GTF2F2: variants seen among roughly 807,000 people sequenced by gnomAD.
GTF2F2 encodes the protein ATP-dependent helicase GTF2F2.
GTF2F2 carries 23 observed loss-of-function variants against 42.2 expected under a neutral mutation model. The ratio of observed to expected loss-of-function variants is 0.55; its 90% CI spans 0.39 to 0.77. The LOEUF is 0.77. Ranked by LOEUF, GTF2F2 falls within the 30% of genes least tolerant of loss-of-function variation. The pLI is 0.00. For synonymous variants in GTF2F2, 105 were observed against 100.8 expected (o/e 1.04, Z -0.25); for missense variants, 261 against 287.2 (o/e 0.91, Z 0.66).
chr13:45,246,386 T>C (rs1875615353), intron 5 of GTF2F2, among the ~76,000 whole-genome samples: 1 of 152,206 alleles, frequency 6.6e-6, no homozygotes, highest in Admixed American at 6.5e-5. Context: ...CCAGTTATTC[T>C]TGATGCCTTT....
At chr13:45,168,895 CCCTCCCTCCCT>C (rs1190105588) in intron 4 of GTF2F2, among the ~76,000 whole-genome samples, 24 of 322 alleles carry the variant, frequency 0.075, 1 homozygote, top group Non-Finnish European at 0.12. Flanking sequence ...CTCCCTCCCT[CCCTCCCTCCCT>C]CCTCCTTCCT....
rs557939600 is a variant in GTF2F2, at chr13:45,184,548, T to C, written c.305-22876T>C. Among the ~76,000 whole-genome samples, 4 of 152,146 alleles carry C rather than the reference T, an allele frequency of 2.6e-5. No homozygotes were observed. The South Asian group carries it at 8.3e-4, about 32-fold the overall frequency. On this transcript the variant is annotated intron_variant, in intron 4 of 7. Transcript: ENST00000340473. ...GGATTACCATGTGAGCCACTGTAGCTAGCCTTTTTTCCCTTTAATTGTGAA... is the reference window on the plus strand; with the variant it reads ...GGATTACCATGTGAGCCACTGTAGCCAGCCTTTTTTCCCTTTAATTGTGAA...
chr13:45,184,392 C>A (rs919326304), intron 4 of GTF2F2, among the ~76,000 whole-genome samples: 1 of 148,860 alleles, frequency 6.7e-6, no homozygotes, highest in Non-Finnish European at 1.5e-5. Flanking sequence ...TTATTCCCCC[C>A]CGCCCTTTTT....
In GTF2F2 at chr13:45,123,911, A is replaced by T. The variant is rs529479207; in HGVS notation, c.66+3190A>T. 103 of 342,388 alleles carry T rather than the reference A, an allele frequency of 3.0e-4. 3 individuals are homozygous for T. In the South Asian group the frequency reaches 5.4e-3, roughly 18 times the overall value. 21.2% of individuals were successfully genotyped at this position (342,388 alleles called of 1,614,324 possible). A position where few individuals can be genotyped will look rare whatever the true frequency, so the allele number is the denominator to read the frequency against. On this transcript the variant is annotated intron_variant, in intron 1 of 7. Transcript: ENST00000340473. The stretch of plus-strand genomic sequence containing the variant: ...TGCATGGAAGCTGTGAGGAGGGGAG[A>T]GTCTTAGTGTGGTTGGGGACTGAGT...
intron 4 of GTF2F2, among the ~76,000 whole-genome samples, chr13:45,202,017 TC>T (rs1413008656): frequency 6.6e-6 from 1 of 152,136 alleles, no homozygotes. Context: ...TCAGTACTCT[TC>T]CTTCTTACCC....
In GTF2F2 at chr13:45,168,616, T is replaced by C. The variant is rs1467169942; in HGVS notation, c.304+16785T>C. Among the ~76,000 whole-genome samples, 13 of 151,930 alleles carry C rather than the reference T, an allele frequency of 8.6e-5. No individual in the cohort carries two copies. The East Asian group carries it at 2.5e-3, about 29-fold the overall frequency. On this transcript the variant is annotated intron_variant, in intron 4 of 7. Transcript: ENST00000340473. The stretch of plus-strand genomic sequence containing the variant: ...TGACAAATAAACTACCTGAACTTTA[T>C]TTATTTATTTTTTTGAGACAGGTTT...
chr13:45,272,447 A>C (rs774376612), intron 7 of GTF2F2, among the ~76,000 whole-genome samples: 8 of 140,292 alleles, frequency 5.7e-5, no homozygotes, highest in African/African-American at 1.2e-4. Flanking sequence ...AAAACAAAAA[A>C]AAAAAACAGG....
Position 45,151,772 on chromosome 13 carries a change from C to T in GTF2F2, c.245C>T (p.Pro82Leu). The change falls in exon 4 of 8, where the codon CCA becomes CTA. Residue 82 changes from proline to leucine, a missense_variant. Physicochemically the swap from Pro to Leu is moderately conservative, Grantham distance 98 (BLOSUM62 -3). Coordinates refer to ENST00000340473, the MANE Select transcript of GTF2F2 (RefSeq NM_004128.3). ...TCAGTCAGTGCTCCTAGAGAACATC[C>T]ATTTGTCTTGCAAAGTGTTGGAGGA... ...PASVSAPREHPFVLQSVGGQT... is the reference protein window; with the variant it reads ...PASVSAPREHLFVLQSVGGQT... The T allele has an allele frequency of 1.3e-6, 2 of 1,586,674 alleles. No homozygotes were observed. The highest frequency in any genetic ancestry group is 1.3e-5 in the African/African-American group (1 of 74,088).
intron 4 of GTF2F2, among the ~76,000 whole-genome samples, chr13:45,180,924 G>A (rs982961426): frequency 2.0e-5 from 3 of 151,494 alleles, no homozygotes; most frequent in African/African-American, 7.3e-5. Flanking sequence ...CACTTTGGGA[G>A]ACCAAAGCAG....
At chr13:45,187,690 G>A (rs547782617) in intron 4 of GTF2F2, among the ~76,000 whole-genome samples, 1 of 152,336 alleles carries the variant, frequency 6.6e-6, no homozygotes, top group East Asian at 1.9e-4. Context: ...TACAGAAGAA[G>A]CCATTGTATA....
In GTF2F2 at chr13:45,274,272, C is replaced by G. The variant is rs114662673; in HGVS notation, c.630+6896C>G. Among the ~76,000 whole-genome samples the G allele has an allele frequency of 6.0e-3, 909 of 151,384 alleles. 11 individuals are homozygous for G. The highest frequency in any genetic ancestry group is 0.021 in the African/African-American group (869 of 41,202). ...TAATTTGTTTTATAAGCTGAAGCAG[C>G]CTCCCTTTTTCCTCTCAATTTAAAA... On this transcript the variant is annotated intron_variant, in intron 7 of 7. Transcript: ENST00000340473.
chr13:45,231,397 T>A (rs1874675230), intron 5 of GTF2F2, among the ~76,000 whole-genome samples: 2 of 152,168 alleles, frequency 1.3e-5, no homozygotes, highest in African/African-American at 4.8e-5. Flanking sequence ...TGAGCCACTG[T>A]GCCGGCCTAT....
chr13:45,243,692 G>T (rs189911777), intron 5 of GTF2F2, among the ~76,000 whole-genome samples: 19 of 151,968 alleles, frequency 1.3e-4, no homozygotes, highest in East Asian at 3.9e-4. Flanking sequence ...ACGGAGTCTC[G>T]CTTTGTCACC....
chr13:45,254,364 A>C (rs1387505372), intron 6 of GTF2F2, among the ~76,000 whole-genome samples: 1 of 152,216 alleles, frequency 6.6e-6, no homozygotes, highest in East Asian at 1.9e-4. Flanking sequence ...TCCTGCCAAT[A>C]AGGGGAAAGT....
In GTF2F2 at chr13:45,252,892, C is replaced by T. The variant is rs754476965; in HGVS notation, c.408C>T (p.Ser136=). ...RLKRLQIEES[S]KPVRLSQQLD... is the part of the protein sequence containing the mutation. ...TCAGATTGCAAATAGAAGAGTCTTC[C>T]AAACCAGTGAGGCTATCACAACAGC... is the stretch of plus-strand genomic sequence containing the variant. The change falls in exon 6 of 8, where the codon TCC becomes TCT. Residue 136 remains serine (S), a synonymous_variant. Transcript: ENST00000340473. 2.7e-6 allele frequency: 4 copies of T among 1,503,298 alleles called. No homozygotes were observed. 93.1% of individuals were successfully genotyped at this position (1,503,298 alleles called of 1,614,324 possible). A position where few individuals can be genotyped will look rare whatever the true frequency, so the allele number is the denominator to read the frequency against.
intron 4 of GTF2F2, among the ~76,000 whole-genome samples, chr13:45,172,336 A>G (rs1357436651): frequency 6.6e-6 from 1 of 152,098 alleles, no homozygotes; most frequent in African/African-American, 2.4e-5. Flanking sequence ...CCATTTGTGT[A>G]TCTCATTTGG....
At chr13:45,200,455 C>T (rs1214366304) in intron 4 of GTF2F2, among the ~76,000 whole-genome samples, 1 of 152,092 alleles carries the variant, frequency 6.6e-6, no homozygotes, top group Non-Finnish European at 1.5e-5. Context: ...CACAGGCATA[C>T]CCCACCATAC....
intron 5 of GTF2F2, among the ~76,000 whole-genome samples, chr13:45,216,257 C>T (rs1361886149): frequency 1.3e-5 from 2 of 152,154 alleles, no homozygotes. Flanking sequence ...ATTTTAAAAA[C>T]TCAAAGGTTA....
rs1181724374 is a variant in GTF2F2, at chr13:45,284,713, A to G, written c.*1152A>G. 6.6e-6 allele frequency: 1 copy of G among 152,232 alleles called. No homozygotes were observed. The highest frequency in any genetic ancestry group is 1.5e-5 in the Non-Finnish European group (1 of 68,040). 9.4% of individuals were successfully genotyped at this position (152,232 alleles called of 1,614,324 possible). On this transcript the variant is annotated 3_prime_UTR_variant, in exon 8 of 8. Coordinates refer to ENST00000340473, the MANE Select transcript of GTF2F2 (RefSeq NM_004128.3). ...AAAATAATAAAAATAAGGAAGGAGC[A>G]ATGCCAAAAATTGAAGAAAATATTA...
Sources: allele counts gnomAD v4.1 joint callset (sites outside exome capture counted in the v4.1 genomes callset), GRCh38; gene constraint gnomAD v4.1.1; transcripts MANE v1.5; gene names NCBI Gene and HGNC (gene_info 2026-07-23, HGNC 2026-07-21).